ARL17A: variants seen among roughly 807,000 people sequenced by gnomAD.
The protein encoded by ARL17A is ARF like GTPase 17A, also known as ADP-ribosylation factor-like 17-like.
At chr17:46,569,411 C>A (rs1301282718) in intron 3 of ARL17A, among the ~76,000 whole-genome samples, 2 of 150,536 alleles carry the variant, frequency 1.3e-5, no homozygotes, top group Non-Finnish European at 2.9e-5. Context: ...GAATAAAAGG[C>A]ATCATGTCTG....
At chr17:46,532,137 G>A (rs2053741636) in intron 4 of ARL17A, among the ~76,000 whole-genome samples, 2 of 149,710 alleles carry the variant, frequency 1.3e-5, no homozygotes, top group Non-Finnish European at 1.5e-5. Context: ...AACCTCAGAT[G>A]ATCCACCTGC....
At chr17:46,526,587 C>T (rs2052796348), downstream of ARL17A, among the ~76,000 whole-genome samples, 1 of 104,184 alleles carries the variant, frequency 9.6e-6, no homozygotes, top group Admixed American at 8.9e-5. Context: ...CCAATAGTTA[C>T]AACCCAGTAA....
chr17:46,533,287 C>T lies in ARL17A; in HGVS notation c.336-4428G>A, dbSNP rs1010301640. 1.5e-3 allele frequency among the ~76,000 whole-genome samples: 142 copies of T among 92,224 alleles called. 1 individual carries two copies. Among genetic ancestry groups the T allele is most frequent in the Non-Finnish European group, 2.2e-3 (114 of 50,974 alleles). 60.5% of individuals were successfully genotyped at this position (92,224 alleles called of 152,430 possible). A position where few individuals can be genotyped will look rare whatever the true frequency, so the allele number is the denominator to read the frequency against. ...TTTTAGTTAGCCGAGTGTGGTGGTG[C>T]GCACCTGTAGTCTCAGCTACATCTT... On this transcript the variant is annotated intron_variant, in intron 4 of 4. Coordinates refer to the ARL17A transcript ENST00000329240.
chr17:46,534,945 G>A (rs1197665908), intron 4 of ARL17A, among the ~76,000 whole-genome samples: 17 of 148,960 alleles, frequency 1.1e-4, no homozygotes, highest in African/African-American at 2.1e-4. Context: ...GCTGCCAGGC[G>A]TAGGGGCTCC....
At chr17:46,521,386 C>A (rs1341817936) in intron 3 of ARL17A, among the ~76,000 whole-genome samples, 1 of 49,910 alleles carries the variant, frequency 2.0e-5, no homozygotes, top group African/African-American at 7.2e-5. Flanking sequence ...AATAAAACTA[C>A]GTTTCCTTTA....
rs2056935320 is a variant in ARL17A, at chr17:46,552,944, A to G, written c.*4412T>C. On this transcript the variant is annotated 3_prime_UTR_variant, in exon 4 of 4. Transcript: ENST00000336125. ...GTAGTATGCACCTGTAGTCTCAGCT[A>G]CTCAAGAGGCTGAGGTGGGCGGATC... 7.0e-6 allele frequency among the ~76,000 whole-genome samples: 1 copy of G among 143,458 alleles called. No individual in the cohort carries two copies. The highest frequency in any genetic ancestry group is 1.5e-5 in the Non-Finnish European group (1 of 66,912). The allele number at this position is 143,458 out of a possible 152,430, so 94.1% of individuals were successfully genotyped here.
chr17:46,545,785 C>T (rs1422945821), intron 3 of ARL17A, among the ~76,000 whole-genome samples: 1 of 147,414 alleles, frequency 6.8e-6, no homozygotes, highest in Non-Finnish European at 1.5e-5. Context: ...CAGATTTGAC[C>T]AATGCAGTCT....
intron 3 of ARL17A, among the ~76,000 whole-genome samples, chr17:46,521,386 C>T (rs1341817936): frequency 4.2e-4 from 21 of 49,962 alleles, no homozygotes; most frequent in East Asian, 5.7e-4. Flanking sequence ...AATAAAACTA[C>T]GTTTCCTTTA....
At chr17:46,545,566 TC>T (rs1167546326) in intron 3 of ARL17A, among the ~76,000 whole-genome samples, 1 of 128,556 alleles carries the variant, frequency 7.8e-6, no homozygotes, top group African/African-American at 3.7e-5. Flanking sequence ...TCAATGATAA[TC>T]CTTGTCTGAA....
At position 46,554,115 on chromosome 17, in the gene ARL17A, C is replaced by A. The variant is rs552200951; in HGVS notation, c.*3241G>T. On this transcript the variant is annotated 3_prime_UTR_variant, in exon 4 of 4. Coordinates refer to ENST00000336125, the MANE Select transcript of ARL17A (RefSeq NM_001113738.2). ...TTCTCATCTTACTGGTTTTTGGGCC[C>A]CTACTCTATTCCTTTTATGCAAACC... 1 of 845,430 alleles carries A rather than the reference C, an allele frequency of 1.2e-6. No individual in the cohort carries two copies. The highest frequency in any genetic ancestry group is 1.4e-6 in the Non-Finnish European group (1 of 713,850). The allele number at this position is 845,430 out of a possible 1,614,324, so 52.4% of individuals were successfully genotyped here.
chr17:46,543,256 T>G lies in ARL17A; in HGVS notation c.260-4830A>C, dbSNP rs1285165850. 9.8e-4 allele frequency among the ~76,000 whole-genome samples: 147 copies of G among 150,584 alleles called. 7 individuals are homozygous for G. Among genetic ancestry groups the G allele is most frequent in the African/African-American group, 3.4e-3 (135 of 39,928 alleles). ...TTATGTACAAAGTAAGTAGGCCAGC[T>G]CATTTGAGTCTTGGCTCATGTGTAA... On this transcript the variant is annotated intron_variant, in intron 3 of 4. Coordinates refer to the ARL17A transcript ENST00000329240.
At chr17:46,549,090 A>C (rs763373105), downstream of ARL17A, 8 of 1,611,926 alleles carry the variant, frequency 5.0e-6, no homozygotes, top group Admixed American at 6.7e-5. Flanking sequence ...TGACCCACAG[A>C]ACACCCAAAG....
intron 4 of ARL17A, among the ~76,000 whole-genome samples, chr17:46,534,704 T>C (rs1374281465): frequency 1.3e-5 from 2 of 150,036 alleles, no homozygotes; most frequent in Non-Finnish European, 2.9e-5. Flanking sequence ...CTCAATGAGC[T>C]GTTGGGTACA....
At chr17:46,503,143 C>T in the ARL17A span, among the ~76,000 whole-genome samples, 2 of 146,304 alleles carry the variant, frequency 1.4e-5, no homozygotes, top group African/African-American at 2.6e-5. Flanking sequence ...ACCCGGGAGG[C>T]GGAGCTTGCA....
At chr17:46,506,139 GGA>G in the ARL17A span, among the ~76,000 whole-genome samples, 335 of 145,298 alleles carry the variant, frequency 2.3e-3, no homozygotes, top group Middle Eastern at 3.5e-3. Flanking sequence ...GGGCTTCAGT[GGA>G]ACAAGAGTCT....
chr17:46,516,155 TAGCC>T (rs1422501887), downstream of ARL17A, among the ~76,000 whole-genome samples: 1 of 149,772 alleles, frequency 6.7e-6, no homozygotes, highest in Non-Finnish European at 1.5e-5. Context: ...AGAAAAAAAT[TAGCC>T]AGGCATGGTG....
chr17:46,532,888 C>G, intron 4 of ARL17A, among the ~76,000 whole-genome samples: 1 of 148,238 alleles, frequency 6.7e-6, no homozygotes, highest in African/African-American at 2.6e-5. Flanking sequence ...ATTGCTTGAC[C>G]CCAGGAGTTC....
chr17:46,529,708 G>C (rs969389945), intron 4 of ARL17A, among the ~76,000 whole-genome samples: 2 of 75,938 alleles, frequency 2.6e-5, no homozygotes, highest in African/African-American at 7.5e-5. Context: ...ATATCATTTG[G>C]TTTGTGGAAA....
chr17:46,568,534 GTGGCTCACACTA>G (rs1390434564), intron 3 of ARL17A, among the ~76,000 whole-genome samples: 1 of 108,768 alleles, frequency 9.2e-6, no homozygotes, highest in Non-Finnish European at 1.9e-5. Flanking sequence ...GCCAGGCGAG[GTGGCTCACACTA>G]TGGTCTCAGC....
Sources: allele counts gnomAD v4.1 joint callset (sites outside exome capture counted in the v4.1 genomes callset), GRCh38; gene constraint gnomAD v4.1.1; transcripts MANE v1.5; gene names NCBI Gene and HGNC (gene_info 2026-07-23, HGNC 2026-07-21).